Variants in JADE1 observed in about 807,000 individuals in gnomAD.
The protein encoded by JADE1 is protein Jade-1.
In JADE1, 14 loss-of-function variants were observed where a neutral mutation model predicts 81.8. The ratio of observed to expected loss-of-function variants is 0.17; its 90% CI spans 0.11 to 0.27. JADE1 has a LOEUF of 0.27. Ranked by LOEUF, JADE1 falls within the 10% of genes least tolerant of loss-of-function variation. The pLI is 1.00. For synonymous variants in JADE1, 353 were observed against 391.9 expected (o/e 0.90, Z 1.17); for missense variants, 690 against 1,047.9 (o/e 0.66, Z 4.71).
chr4:128,863,175 C>G, intron 9 of JADE1: 1 of 985,542 alleles, frequency 1.0e-6, no homozygotes, highest in African/African-American at 1.7e-5. Context: ...GTCTGGACGT[C>G]CCTTCCTGCT....
intron 7 of JADE1, among the ~76,000 whole-genome samples, chr4:128,856,644 A>G (rs1171692575): frequency 6.6e-6 from 1 of 152,256 alleles, no homozygotes; most frequent in Non-Finnish European, 1.5e-5. Flanking sequence ...CTTGACTAAT[A>G]TAATTTGCAT....
intron 2 of JADE1, among the ~76,000 whole-genome samples, chr4:128,833,875 G>T (rs1728760218): frequency 1.3e-5 from 2 of 152,210 alleles, no homozygotes; most frequent in Admixed American, 1.3e-4. Flanking sequence ...CTTTGGGAGA[G>T]CTGTGTTAGA....
At chr4:128,836,512 G>T (rs570946143) in intron 2 of JADE1, among the ~76,000 whole-genome samples, 1 of 152,154 alleles carries the variant, frequency 6.6e-6, no homozygotes, top group East Asian at 1.9e-4. Context: ...GAAGGCGTGG[G>T]TCTTGCTGTC....
intron 1 of JADE1, chr4:128,810,499 C>T (rs964954776): frequency 5.1e-5 from 7 of 137,244 alleles, no homozygotes; most frequent in Admixed American, 8.0e-5. Context: ...CATTAGGCTG[C>T]ATGAAAGTGG....
rs1192036284 is a variant in JADE1 at position 128,874,587 on chromosome 4, A to G, written c.*2325A>G. ...TATTCCTGCTTCGAAATGCAAATGGATAGAGCACGGTTTCTCTGACAGTAT... is the reference window on the plus strand; with the variant it reads ...TATTCCTGCTTCGAAATGCAAATGGGTAGAGCACGGTTTCTCTGACAGTAT... On this transcript the variant is annotated 3_prime_UTR_variant, in exon 11 of 11. Coordinates refer to ENST00000226319, the MANE Select transcript of JADE1 (RefSeq NM_199320.4). 2.0e-5 allele frequency: 3 copies of G among 152,618 alleles called. No individual in the cohort carries two copies. Among genetic ancestry groups the G allele is most frequent in the Non-Finnish European group, 2.9e-5 (2 of 68,034 alleles). The allele number at this position is 152,618 out of a possible 1,614,324, so 9.5% of individuals were successfully genotyped here. A position where few individuals can be genotyped will look rare whatever the true frequency, so the allele number is the denominator to read the frequency against.
At chr4:128,813,363 TGTC>T in intron 1 of JADE1, among the ~76,000 whole-genome samples, 1 of 151,838 alleles carries the variant, frequency 6.6e-6, no homozygotes, top group Admixed American at 6.6e-5. Context: ...GAATTTTTAT[TGTC>T]CTTTTATCCC....
rs1342873896 is a variant in JADE1, at chr4:128,846,665, C to T, written c.296+133C>T. 2.2e-6 allele frequency: 2 copies of T among 925,160 alleles called. No homozygotes were observed. The highest frequency in any genetic ancestry group is 3.3e-5 in the African/African-American group (2 of 60,110). 57.3% of individuals were successfully genotyped at this position (925,160 alleles called of 1,614,324 possible). On this transcript the variant is annotated intron_variant, in intron 4 of 10. Transcript: ENST00000226319. This position sits in a 1 kb window ranked among gnomAD's most constrained non-coding sequence, Gnocchi z 4.0. ...TTAGCATTAAAATATCATGAGGCCT[C>T]AAGTGGAAATAGAAATTCAGGAGCA...
chr4:128,815,357 C>T (rs1005881214), intron 1 of JADE1, among the ~76,000 whole-genome samples: 1 of 152,176 alleles, frequency 6.6e-6, no homozygotes, highest in African/African-American at 2.4e-5. Flanking sequence ...GCCTCAGCCT[C>T]CCAAAGTTCT....
At chr4:128,840,379 G>A (rs749080234) in intron 2 of JADE1, among the ~76,000 whole-genome samples, 84 of 152,204 alleles carry the variant, frequency 5.5e-4, no homozygotes, top group African/African-American at 1.9e-3. Flanking sequence ...AATTTTTAAA[G>A]TATAGCAGTG....
At chr4:128,848,827 A>C (rs1478478595) in intron 4 of JADE1, among the ~76,000 whole-genome samples, 153 bp from the exon 5 acceptor site, 2 of 152,216 alleles carry the variant, frequency 1.3e-5, no homozygotes, top group African/African-American at 4.8e-5. Context: ...CTTCTAGTTA[A>C]GGTTTTATTA....
At chr4:128,852,332 G>A (rs1262225449) in intron 6 of JADE1, 64 bp downstream of exon 6, 3 of 1,332,842 alleles carry the variant, frequency 2.3e-6, no homozygotes, top group East Asian at 2.3e-5. Flanking sequence ...CTGTGGGAGT[G>A]TATGCCTGGA....
At chr4:128,869,186 T>A (rs904849724) in intron 10 of JADE1, among the ~76,000 whole-genome samples, 1 of 152,290 alleles carries the variant, frequency 6.6e-6, no homozygotes, top group East Asian at 1.9e-4. Flanking sequence ...ATCCTAGATA[T>A]TTTCTTCCCA....
At chr4:128,861,152 G>A (rs919639061) in intron 8 of JADE1, among the ~76,000 whole-genome samples, 5 of 152,170 alleles carry the variant, frequency 3.3e-5, no homozygotes, top group African/African-American at 1.2e-4. Flanking sequence ...TGCACCAAAA[G>A]AGCTCAAATC....
intron 3 of JADE1, among the ~76,000 whole-genome samples, chr4:128,844,607 A>G (rs1189908409): frequency 6.6e-6 from 1 of 152,176 alleles, no homozygotes; most frequent in Non-Finnish European, 1.5e-5. Context: ...TCTTGAAGGT[A>G]TAGGCCCATC....
intron 1 of JADE1, among the ~76,000 whole-genome samples, chr4:128,819,566 C>CA (rs1727369190): frequency 6.6e-6 from 1 of 152,116 alleles, no homozygotes. Context: ...GTGTATGTGT[C>CA]ACAGCAATCA....
intron 8 of JADE1, among the ~76,000 whole-genome samples, chr4:128,858,075 C>T (rs1435520233): frequency 2.6e-5 from 4 of 152,100 alleles, no homozygotes; most frequent in African/African-American, 9.7e-5. Flanking sequence ...CTTTATGGCA[C>T]CAGGCGCGCA....
intron 9 of JADE1, 191 bp downstream of exon 9, chr4:128,862,416 C>T (rs533926596): frequency 1.0e-4 from 146 of 1,409,896 alleles, no homozygotes; most frequent in Middle Eastern, 7.8e-4. Flanking sequence ...AAAACTGCTA[C>T]TGAGTGGGGA....
intron 10 of JADE1, among the ~76,000 whole-genome samples, chr4:128,870,353 G>T (rs891713471): frequency 6.6e-6 from 1 of 152,026 alleles, no homozygotes; most frequent in African/African-American, 2.4e-5. Context: ...ATGGCCTCCT[G>T]TCTCATAACC....
At chr4:128,823,156 G>A (rs1204376656) in intron 1 of JADE1, among the ~76,000 whole-genome samples, 4 of 152,120 alleles carry the variant, frequency 2.6e-5, no homozygotes, top group Non-Finnish European at 5.9e-5. Flanking sequence ...ACAAATGATT[G>A]GAATGTTTTG....
Sources: gnomAD v4.1 joint callset for allele counts (sites outside exome capture counted in the v4.1 genomes callset) on GRCh38, gnomAD v4.1.1 for gene constraint, Gnocchi (gnomAD v3.1) non-coding constraint, MANE v1.5 for transcripts, NCBI Gene and HGNC (gene_info 2026-07-23, HGNC 2026-07-21) for gene names.